CTNNA3: variants seen among roughly 807,000 people sequenced by gnomAD.
CTNNA3 encodes the protein catenin alpha-3.
CTNNA3 carries 76 observed loss-of-function variants against 95.7 expected under a neutral mutation model. The ratio of observed to expected loss-of-function variants is 0.79; its 90% CI spans 0.66 to 0.96. The LOEUF (loss-of-function observed/expected upper bound fraction) is 0.96, where lower values mean the gene tolerates loss of function less well. Ranked by LOEUF, CTNNA3 falls within the 40% of genes least tolerant of loss-of-function variation. CTNNA3 has a pLI of 0.00. For missense variants in CTNNA3, 1,191 were observed against 1,089.8 expected, an observed-to-expected ratio of 1.09 and a Z score of -1.31; for synonymous variants, 431 against 374.4, an observed-to-expected ratio of 1.15 and a Z score of -1.74.
rs369207933 is a variant in CTNNA3, at chr10:66,658,463, C to A, written c.1282-36679G>T. 4.6e-5 allele frequency among the ~76,000 whole-genome samples: 7 copies of A among 152,038 alleles called. No individual in the cohort carries two copies. The East Asian group carries it at 1.2e-3, about 25-fold the overall frequency. On this transcript the variant is annotated intron_variant, in intron 9 of 17. Transcript: ENST00000433211. ...GAGAATAAATTACCTTTTAAAATTC[C>A]TGAACAACTCAGTGGGGGAATTATT...
At chr10:66,270,231 G>GC (rs1414527987) in intron 13 of CTNNA3, among the ~76,000 whole-genome samples, 3 of 151,320 alleles carry the variant, frequency 2.0e-5, no homozygotes, top group African/African-American at 7.3e-5. Context: ...TTTTGGGGGG[G>GC]GGGGCAGGGT....
chr10:67,450,596 CA>C (rs1316865535), intron 5 of CTNNA3, among the ~76,000 whole-genome samples: 2 of 151,828 alleles, frequency 1.3e-5, no homozygotes, highest in Non-Finnish European at 2.9e-5. Context: ...CTCATGGACA[CA>C]AAGAGGGGAA....
chr10:66,862,686 A>C (rs1187982786), intron 7 of CTNNA3, among the ~76,000 whole-genome samples: 1 of 152,206 alleles, frequency 6.6e-6, no homozygotes, highest in Non-Finnish European at 1.5e-5. Context: ...GTAAAAGATG[A>C]AATTCGAGAA....
At position 65,913,408 on chromosome 10, in the gene CTNNA3, G is replaced by C. The variant is rs2076969534; in HGVS notation, c.*6922C>G. On this transcript the variant is annotated 3_prime_UTR_variant, in exon 18 of 18. Transcript: ENST00000433211. ...TGTCTACTTCTGTTTTCAGGAACTT[G>C]TTAGTCACGGATATGGAGGAGAAAT... 6.6e-6 allele frequency: 1 copy of C among 152,084 alleles called. No homozygotes were observed. The highest frequency in any genetic ancestry group is 6.6e-5 in the Admixed American group (1 of 15,254). 9.4% of individuals were successfully genotyped at this position (152,084 alleles called of 1,614,324 possible). A position where few individuals can be genotyped will look rare whatever the true frequency, so the allele number is the denominator to read the frequency against.
chr10:67,142,903 G>C (rs1860648464), intron 7 of CTNNA3, among the ~76,000 whole-genome samples: 1 of 152,102 alleles, frequency 6.6e-6, no homozygotes, highest in Admixed American at 6.5e-5. Flanking sequence ...CTGCACTCCA[G>C]CCTGGAGACA....
chr10:67,739,853 A>G (rs975696501), intron 1 of CTNNA3, among the ~76,000 whole-genome samples: 10 of 152,220 alleles, frequency 6.6e-5, no homozygotes, highest in Non-Finnish European at 1.0e-4. Flanking sequence ...TCGCCAAGTC[A>G]ATCCTAAGCC....
intron 7 of CTNNA3, among the ~76,000 whole-genome samples, chr10:66,846,305 A>T (rs1360941870): frequency 6.6e-6 from 1 of 152,134 alleles, no homozygotes; most frequent in Non-Finnish European, 1.5e-5. Flanking sequence ...GGGCTAAGGG[A>T]TGGGGGAAAT....
intron 7 of CTNNA3, among the ~76,000 whole-genome samples, chr10:66,938,500 C>T (rs182182082): frequency 2.3e-4 from 35 of 152,008 alleles, no homozygotes; most frequent in Admixed American, 1.2e-3. Flanking sequence ...ATTCATTAAG[C>T]GAAATGGATA....
At chr10:67,369,455 T>G (rs766901370) in intron 5 of CTNNA3, among the ~76,000 whole-genome samples, 7 of 152,204 alleles carry the variant, frequency 4.6e-5, no homozygotes, top group Non-Finnish European at 1.0e-4. Flanking sequence ...ACCTTGGGCC[T>G]GCGAGCTAAC....
intron 7 of CTNNA3, among the ~76,000 whole-genome samples, chr10:67,040,863 C>A (rs1230252265): frequency 6.6e-6 from 1 of 152,078 alleles, no homozygotes; most frequent in African/African-American, 2.4e-5. Flanking sequence ...TTTCATTGAA[C>A]AACTATGACA....
At chr10:66,917,033 G>A (rs1006989316) in intron 7 of CTNNA3, among the ~76,000 whole-genome samples, 3 of 152,034 alleles carry the variant, frequency 2.0e-5, no homozygotes, top group Non-Finnish European at 4.4e-5. Context: ...CTTCTTCACA[G>A]CACTTATTAC....
At position 66,766,418 on chromosome 10, in the gene CTNNA3, T is replaced by A. The variant is rs552845174; in HGVS notation, c.1129-2A>T. ...ATGATCTATAATAGCCTTGCGGAGCTGAGAAGAAATGAAAAATTCAGGTTT... is the reference window on the plus strand; with the variant it reads ...ATGATCTATAATAGCCTTGCGGAGCAGAGAAGAAATGAAAAATTCAGGTTT... On this transcript the variant is annotated splice_acceptor_variant, in intron 8 of 17. Coordinates refer to ENST00000433211, the MANE Select transcript of CTNNA3 (RefSeq NM_013266.4). LOFTEE classifies it high-confidence loss of function. 3.6e-5 allele frequency: 57 copies of A among 1,589,488 alleles called. No individual in the cohort carries two copies. In the South Asian group the frequency reaches 6.5e-4, roughly 18 times the overall value.
chr10:67,522,033 GAA>G, intron 4 of CTNNA3, 72 bp from the exon 5 acceptor site: 1 of 1,484,494 alleles, frequency 6.7e-7, no homozygotes, highest in South Asian at 1.2e-5. Flanking sequence ...TTGCTAACAC[GAA>G]GAGTCGATAA....
chr10:67,018,020 C>T (rs951108333), intron 7 of CTNNA3, among the ~76,000 whole-genome samples: 23 of 152,136 alleles, frequency 1.5e-4, no homozygotes, highest in African/African-American at 5.3e-4. Context: ...GATCTGCCCA[C>T]CTTGGCCTCC....
At chr10:66,270,298 A>AG (rs2091252488) in intron 13 of CTNNA3, among the ~76,000 whole-genome samples, 1 of 151,306 alleles carries the variant, frequency 6.6e-6, no homozygotes, top group East Asian at 2.0e-4. Context: ...TCGATCCCCC[A>AG]GGGTCAAGCC....
intron 7 of CTNNA3, among the ~76,000 whole-genome samples, chr10:66,875,395 TAAA>T (rs76999620): frequency 1.4e-3 from 209 of 146,934 alleles, no homozygotes; most frequent in African/African-American, 3.9e-3. Context: ...CACTGTTATT[TAAA>T]AAAAAAAAAA....
chr10:66,655,328 T>C (rs1846038700), intron 9 of CTNNA3, among the ~76,000 whole-genome samples: 1 of 152,092 alleles, frequency 6.6e-6, no homozygotes, highest in Non-Finnish European at 1.5e-5. Context: ...AAGTAACATA[T>C]ATACAATCTA....
intron 7 of CTNNA3, among the ~76,000 whole-genome samples, chr10:67,013,876 T>G (rs944869044): frequency 1.3e-5 from 2 of 152,136 alleles, no homozygotes; most frequent in African/African-American, 2.4e-5. Flanking sequence ...TGTAGATTGA[T>G]CTCTGATATC....
intron 7 of CTNNA3, among the ~76,000 whole-genome samples, chr10:66,837,111 A>T (rs571039977): frequency 6.6e-6 from 1 of 152,164 alleles, no homozygotes; most frequent in African/African-American, 2.4e-5. Flanking sequence ...TCAGCAAAAC[A>T]GTTGCCTTTA....
Sources: allele counts gnomAD v4.1 joint callset (sites outside exome capture counted in the v4.1 genomes callset), GRCh38; gene constraint gnomAD v4.1.1; transcripts MANE v1.5; gene names NCBI Gene and HGNC (gene_info 2026-07-23, HGNC 2026-07-21).